The following ST3GAL5 variants were observed in gnomAD, a reference collection of about 807,000 sequenced individuals.
The protein encoded by ST3GAL5 is lactosylceramide alpha-2,3-sialyltransferase.
ST3GAL5 carries 25 observed loss-of-function variants against 46.1 expected under a neutral mutation model. That is an observed-to-expected ratio of 0.54 (90% CI 0.40 to 0.76). The LOEUF (loss-of-function observed/expected upper bound fraction) is 0.76, where lower values mean the gene tolerates loss of function less well. Ranked by LOEUF, ST3GAL5 falls within the 30% of genes least tolerant of loss-of-function variation. The probability of loss-of-function intolerance (pLI) is 0.00; values close to 1 mark genes in which losing one functional copy is unlikely to be tolerated. For synonymous variants in ST3GAL5, 182 were observed against 192.7 expected (o/e 0.94, Z 0.46); for missense variants, 431 against 521.2 (o/e 0.83, Z 1.69).
Position 85,848,211 on chromosome 2 carries a change from T to A in ST3GAL5, c.319-7A>T, listed in dbSNP as rs373566687. On this transcript the variant is annotated splice_region_variant and splice_polypyrimidine_tract_variant and intron_variant, in intron 3 of 6. Transcript: ENST00000638572. ...GAGCATATTTCTGAGCTCTCTGGAA[T>A]GAAATCACACCAATCTGGGTTTTAA... The A allele has an allele frequency of 2.7e-5, 43 of 1,614,008 alleles. No homozygotes were observed. The highest frequency in any genetic ancestry group is 2.0e-4 in the African/African-American group (15 of 74,938).
chr2:85,871,268 G>T (rs142259769), intron 1 of ST3GAL5, among the ~76,000 whole-genome samples: 2,004 of 152,100 alleles, frequency 0.013, 38 homozygotes, highest in African/African-American at 0.046. Flanking sequence ...TCATTTCTTT[G>T]TGTTGGGAAT....
Position 85,847,972 on chromosome 2 carries a change from G to A in ST3GAL5, c.551C>T (p.Pro184Leu). ...ACAGGTCTTGGCTTTCAAGTGTTCAGGGAGGTCGTGCTCTGGCAAGAGTTC... is the reference window on the plus strand; with the variant it reads ...ACAGGTCTTGGCTTTCAAGTGTTCAAGGAGGTCGTGCTCTGGCAAGAGTTC... ...LLELLPEHDL[P>L]EHLKAKTCRR... Residue 184 changes from proline (P) to leucine (L), a missense_variant, in exon 4 of 7, where the codon CCT (proline) becomes CTT (leucine). By Grantham distance (98) the Pro-to-Leu change is moderately conservative. Transcript: ENST00000638572. 1.2e-6 allele frequency: 2 copies of A among 1,614,144 alleles called. No individual in the cohort carries two copies. Among genetic ancestry groups the A allele is most frequent in the Non-Finnish European group, 1.7e-6 (2 of 1,180,020 alleles).
At chr2:85,883,820 C>T (rs1222208070) in intron 1 of ST3GAL5, among the ~76,000 whole-genome samples, 2 of 152,184 alleles carry the variant, frequency 1.3e-5, no homozygotes, top group East Asian at 1.9e-4. Context: ...AGACCTCTCT[C>T]GAGGCTGGAC....
At chr2:85,847,693 G>A in intron 4 of ST3GAL5, 168 bp downstream of exon 4, 1 of 1,297,750 alleles carries the variant, frequency 7.7e-7, no homozygotes, top group Non-Finnish European at 1.0e-6. Context: ...TACTGGGGAG[G>A]CTGTGGTGGG....
At chr2:85,880,398 T>C (rs527755785) in intron 1 of ST3GAL5, among the ~76,000 whole-genome samples, 3 of 152,378 alleles carry the variant, frequency 2.0e-5, no homozygotes, top group Admixed American at 6.5e-5. Context: ...TCTGAAATTC[T>C]GGGAAACCAG....
chr2:85,863,522 AGAG>A, intron 1 of ST3GAL5, 37 bp from the exon 2 acceptor site: 1 of 1,611,182 alleles, frequency 6.2e-7, no homozygotes, highest in East Asian at 2.2e-5. Flanking sequence ...GGGGAAAAAG[AGAG>A]GAGAGAGTTA....
intron 1 of ST3GAL5, among the ~76,000 whole-genome samples, chr2:85,863,830 C>A (rs1416013907): frequency 6.6e-6 from 1 of 151,952 alleles, no homozygotes; most frequent in African/African-American, 2.4e-5. Context: ...GCCTTAGCCT[C>A]CTGAGTGGCT....
intron 3 of ST3GAL5, chr2:85,853,689 G>C (rs1007286587): frequency 6.5e-6 from 1 of 153,798 alleles, no homozygotes; most frequent in African/African-American, 2.4e-5. Context: ...ACAAATTAAG[G>C]AGCTGCTTCG....
intron 3 of ST3GAL5, 150 bp from the exon 4 acceptor site, chr2:85,848,354 G>A (rs1413516925): frequency 5.1e-6 from 8 of 1,565,740 alleles, no homozygotes; most frequent in Non-Finnish European, 6.9e-6. Context: ...TTAGAGTTAA[G>A]TTTGGCTCAG....
At chr2:85,848,839 G>GT (rs1047409176) in intron 3 of ST3GAL5, 5 of 155,944 alleles carry the variant, frequency 3.2e-5, no homozygotes, top group Admixed American at 1.2e-4. Context: ...TAAATTTTAT[G>GT]TTTTTTTTAA....
chr2:85,852,893 G>C (rs1444732817), intron 3 of ST3GAL5: 10 of 1,303,768 alleles, frequency 7.7e-6, no homozygotes, highest in Non-Finnish European at 1.0e-5. Context: ...TGGAAAGCGG[G>C]GAGCAGCACT....
At chr2:85,840,845 G>A (rs924624647) in intron 6 of ST3GAL5, among the ~76,000 whole-genome samples, 2 of 148,612 alleles carry the variant, frequency 1.3e-5, no homozygotes, top group African/African-American at 4.9e-5. Context: ...TCAGGAGGCT[G>A]AGGCAGGAGA....
At chr2:85,846,795 T>C (rs1038443478) in intron 4 of ST3GAL5, 2 of 528,964 alleles carry the variant, frequency 3.8e-6, no homozygotes, top group South Asian at 2.5e-5. Flanking sequence ...AGCAATTTCA[T>C]CTAGCCCTAA....
At chr2:85,868,621 CT>C (rs34467025) in intron 1 of ST3GAL5, among the ~76,000 whole-genome samples, 6,557 of 139,544 alleles carry the variant, frequency 0.047, 177 homozygotes, top group East Asian at 0.11. Context: ...GGCAATTAAA[CT>C]TTTTTTTTTT....
At chr2:85,873,077 G>A (rs1420665151) in intron 1 of ST3GAL5, among the ~76,000 whole-genome samples, 2 of 152,224 alleles carry the variant, frequency 1.3e-5, no homozygotes, top group African/African-American at 2.4e-5. Context: ...GTGCAGGCAG[G>A]ACGAGAGCAG....
intron 1 of ST3GAL5, among the ~76,000 whole-genome samples, chr2:85,868,929 CT>C (rs1264895654): frequency 6.6e-6 from 1 of 152,066 alleles, no homozygotes; most frequent in Non-Finnish European, 1.5e-5. Context: ...GGCAATTATA[CT>C]TTTAACCAAC....
At chr2:85,859,778 A>G (rs903105591) in intron 3 of ST3GAL5, among the ~76,000 whole-genome samples, 12 of 152,366 alleles carry the variant, frequency 7.9e-5, no homozygotes, top group Non-Finnish European at 1.2e-4. Context: ...AATTTTGTAT[A>G]TATTCTCTTA....
At chr2:85,866,755 A>G (rs763744015) in intron 1 of ST3GAL5, among the ~76,000 whole-genome samples, 2 of 151,950 alleles carry the variant, frequency 1.3e-5, no homozygotes, top group Non-Finnish European at 2.9e-5. Context: ...TCTTTTGCAG[A>G]CTCCTGGAGG....
chr2:85,883,164 C>T (rs1455695131), intron 1 of ST3GAL5, among the ~76,000 whole-genome samples: 1 of 152,124 alleles, frequency 6.6e-6, no homozygotes, highest in African/African-American at 2.4e-5. Context: ...TCTGTCTCCA[C>T]CCAAATCTCA....
Sources: gnomAD v4.1 joint callset for allele counts (sites outside exome capture counted in the v4.1 genomes callset) on GRCh38, gnomAD v4.1.1 for gene constraint, MANE v1.5 for transcripts, NCBI Gene and HGNC (gene_info 2026-07-23, HGNC 2026-07-21) for gene names.